The following BANK1 variants were observed in gnomAD, a reference collection of about 807,000 sequenced individuals.
BANK1 encodes B cell scaffold protein with ankyrin repeats 1, also known as B-cell scaffold protein with ankyrin repeats.
BANK1 carries 95 observed loss-of-function variants against 94.5 expected under a neutral mutation model. The observed-to-expected ratio is 1.00, with a 90% confidence interval of 0.85 to 1.19. The LOEUF is 1.19. Ranked by LOEUF, BANK1 falls within the 50% of genes most tolerant of loss-of-function variation. The pLI, the probability that BANK1 is intolerant of heterozygous loss-of-function variation, is 0.00. For synonymous variants in BANK1, 334 were observed against 308.4 expected (o/e 1.08, Z -0.87); for missense variants, 987 against 932.2 (o/e 1.06, Z -0.77).
At chr4:102,003,691 A>G (rs1005728415) in intron 7 of BANK1, among the ~76,000 whole-genome samples, 1 of 152,122 alleles carries the variant, frequency 6.6e-6, no homozygotes. Context: ...GAGAACATAA[A>G]TATTTGCTAT....
chr4:101,867,876 G>A (rs941283216), intron 4 of BANK1, among the ~76,000 whole-genome samples: 1 of 151,684 alleles, frequency 6.6e-6, no homozygotes, highest in Non-Finnish European at 1.5e-5. Flanking sequence ...AAAGGTTGGG[G>A]TAGAGAGCGG....
intron 7 of BANK1, among the ~76,000 whole-genome samples, chr4:101,943,804 A>G (rs531935661): frequency 1.3e-5 from 2 of 151,880 alleles, no homozygotes; most frequent in African/African-American, 4.8e-5. Flanking sequence ...ATTCATTGTT[A>G]TGAAATGCTC....
intron 5 of BANK1, among the ~76,000 whole-genome samples, chr4:101,894,628 C>G (rs560399370): frequency 6.6e-6 from 1 of 151,936 alleles, no homozygotes; most frequent in Non-Finnish European, 1.5e-5. Flanking sequence ...GCTATAATCA[C>G]CTGTGTCTTG....
chr4:101,939,846 GA>G lies in BANK1; in HGVS notation c.1206+21666del, dbSNP rs147151901. Among the ~76,000 whole-genome samples, 873 of 149,268 alleles carry G rather than the reference GA, an allele frequency of 5.8e-3. 17 individuals carry two copies. The highest frequency in any genetic ancestry group is 0.057 in the East Asian group (291 of 5,072). ...CAGATATTCTGAAGGCATAAGCAAA[GA>G]AAAAAAAATACATCAATAAGAAAAT... On this transcript the variant is annotated intron_variant, in intron 7 of 16. Transcript: ENST00000322953.
chr4:101,900,969 G>C (rs969135937), intron 6 of BANK1, among the ~76,000 whole-genome samples: 1 of 151,978 alleles, frequency 6.6e-6, no homozygotes, highest in Non-Finnish European at 1.5e-5. Flanking sequence ...AGAAGAAGCA[G>C]CCACTCAAGG....
chr4:101,833,402 A>C (rs533726004), intron 2 of BANK1, among the ~76,000 whole-genome samples: 1 of 152,308 alleles, frequency 6.6e-6, no homozygotes, highest in East Asian at 1.9e-4. Context: ...ACAATAAAAG[A>C]CTGTACTTCT....
chr4:101,937,283 A>G (rs756235336), intron 7 of BANK1, among the ~76,000 whole-genome samples: 8 of 151,916 alleles, frequency 5.3e-5, no homozygotes, highest in East Asian at 1.9e-4. Context: ...ATAAACTATC[A>G]TCAGAGTGAA....
At chr4:101,802,719 GT>G (rs199938912) in intron 1 of BANK1, among the ~76,000 whole-genome samples, 3 of 151,980 alleles carry the variant, frequency 2.0e-5, no homozygotes, top group African/African-American at 7.3e-5. Flanking sequence ...TATACCTCAC[GT>G]TTTTTTCTTT....
intron 7 of BANK1, among the ~76,000 whole-genome samples, chr4:101,952,668 T>A (rs1724205505): frequency 6.6e-6 from 1 of 152,126 alleles, no homozygotes; most frequent in South Asian, 2.1e-4. Flanking sequence ...AGTAAGCATT[T>A]GTCAAATAAA....
intron 7 of BANK1, among the ~76,000 whole-genome samples, chr4:101,947,677 A>T (rs1394157696): frequency 6.6e-6 from 1 of 151,920 alleles, no homozygotes; most frequent in Non-Finnish European, 1.5e-5. Flanking sequence ...ATGAATATCC[A>T]AAGAAATATA....
At chr4:101,983,607 T>C (rs1373094821) in intron 7 of BANK1, among the ~76,000 whole-genome samples, 1 of 152,092 alleles carries the variant, frequency 6.6e-6, no homozygotes, top group Admixed American at 6.6e-5. Flanking sequence ...AACTGACCTA[T>C]TTGAAGTGTA....
At chr4:101,833,338 TAGAC>T (rs1177401775) in intron 2 of BANK1, among the ~76,000 whole-genome samples, 3 of 152,328 alleles carry the variant, frequency 2.0e-5, no homozygotes, top group Admixed American at 1.3e-4. Flanking sequence ...CCAATGGAGA[TAGAC>T]AGAGTGGGTT....
intron 7 of BANK1, among the ~76,000 whole-genome samples, chr4:101,954,031 A>G (rs1389907546): frequency 2.6e-5 from 4 of 152,064 alleles, no homozygotes; most frequent in African/African-American, 9.7e-5. Flanking sequence ...CCCGAGGAAG[A>G]ATCTATTCCT....
At chr4:101,854,068 C>T (rs1321292702) in intron 2 of BANK1, among the ~76,000 whole-genome samples, 1 of 152,106 alleles carries the variant, frequency 6.6e-6, no homozygotes, top group East Asian at 1.9e-4. Flanking sequence ...AGGCTAACTT[C>T]CGGAAAAGCA....
intron 1 of BANK1, among the ~76,000 whole-genome samples, chr4:101,825,187 T>C (rs1363425099): frequency 6.6e-6 from 1 of 152,176 alleles, no homozygotes; most frequent in African/African-American, 2.4e-5. Context: ...ATGATGCAAC[T>C]TTCCAGGAAT....
chr4:101,988,223 T>A lies in BANK1; in HGVS notation c.1207-33291T>A, dbSNP rs1725581585. The stretch of plus-strand genomic sequence containing the variant: ...GAATAGTTCTCAAATCCCGTGGTAT[T>A]GTTTGACTCAAATTTTATGCTTTGT... On this transcript the variant is annotated intron_variant, in intron 7 of 16. Coordinates refer to ENST00000322953, the MANE Select transcript of BANK1 (RefSeq NM_017935.5). Among the ~76,000 whole-genome samples the A allele has an allele frequency of 2.0e-5, 3 of 152,206 alleles. No individual in the cohort carries two copies. In the South Asian group the frequency reaches 6.2e-4, roughly 31 times the overall value.
chr4:102,036,241 GAACCCAA>G (rs1727510472), intron 10 of BANK1, among the ~76,000 whole-genome samples: 1 of 152,152 alleles, frequency 6.6e-6, no homozygotes, highest in Non-Finnish European at 1.5e-5. Context: ...CAGCTACAGG[GAACCCAA>G]AATGTCAAGT....
chr4:101,920,268 A>G lies in BANK1; in HGVS notation c.1206+2079A>G, dbSNP rs78903955. ...GATAGCATTAGGAGATATATCTAAT[A>G]TAAATGATGAGTTAATGGGTGCAGC... On this transcript the variant is annotated intron_variant, in intron 7 of 16. Transcript: ENST00000322953. Among the ~76,000 whole-genome samples, 751 of 152,028 alleles carry G rather than the reference A, an allele frequency of 4.9e-3. 4 individuals are homozygous for G. The highest frequency in any genetic ancestry group is 0.017 in the African/African-American group (686 of 41,496).
At chr4:102,009,705 T>C (rs72929940) in intron 7 of BANK1, among the ~76,000 whole-genome samples, 2,548 of 152,306 alleles carry the variant, frequency 0.017, 64 homozygotes, top group African/African-American at 0.057. Context: ...GGATTAAAAA[T>C]AGTAAACCTA....
Sources: allele counts gnomAD v4.1 joint callset (sites outside exome capture counted in the v4.1 genomes callset), GRCh38; gene constraint gnomAD v4.1.1; transcripts MANE v1.5; gene names NCBI Gene and HGNC (gene_info 2026-07-23, HGNC 2026-07-21).